Variants in MAMDC2 observed in about 807,000 individuals in gnomAD.
MAMDC2 encodes the protein MAM domain-containing protein 2.
MAMDC2 carries 57 observed loss-of-function variants against 89.8 expected under a neutral mutation model. The observed-to-expected ratio is 0.63, with a 90% CI of 0.51 to 0.79. The LOEUF (loss-of-function observed/expected upper bound fraction) is 0.79, where lower values mean the gene tolerates loss of function less well. Among genes scored for constraint, MAMDC2 ranks in the 30% least tolerant of loss-of-function variants. The pLI is 0.00. For missense variants in MAMDC2, 800 were observed against 820.6 expected (o/e 0.97, Z 0.31); for synonymous variants, 313 against 293.4 (o/e 1.07, Z -0.68).
At chr9:70,079,210 C>A (rs1322413433) in intron 2 of MAMDC2, 1 of 152,170 alleles carries the variant, frequency 6.6e-6, no homozygotes, top group Admixed American at 6.5e-5. Flanking sequence ...CAAGGGGAAG[C>A]CCTGAGATGC....
At chr9:70,214,630 G>C (rs879812416) in intron 11 of MAMDC2, among the ~76,000 whole-genome samples, 1 of 152,192 alleles carries the variant, frequency 6.6e-6, no homozygotes, top group Non-Finnish European at 1.5e-5. Context: ...GAGATTGCAG[G>C]GGACCAGAGT....
chr9:70,185,593 G>T (rs1426435943), intron 11 of MAMDC2, among the ~76,000 whole-genome samples: 1 of 152,190 alleles, frequency 6.6e-6, no homozygotes, highest in African/African-American at 2.4e-5. Flanking sequence ...AGTGAGGAGT[G>T]ATCTAGGGAG....
At chr9:70,138,810 A>G (rs964912285) in intron 7 of MAMDC2, among the ~76,000 whole-genome samples, 18 of 152,182 alleles carry the variant, frequency 1.2e-4, no homozygotes, top group African/African-American at 3.9e-4. Context: ...AGCAGTACCC[A>G]TGACAGAACT....
intron 2 of MAMDC2, among the ~76,000 whole-genome samples, chr9:70,099,550 A>G (rs1828109131): frequency 6.6e-6 from 1 of 152,116 alleles, no homozygotes; most frequent in Non-Finnish European, 1.5e-5. Context: ...TTGATTATCT[A>G]GTAGATCCCA....
At chr9:70,088,926 T>C (rs922570824) in intron 2 of MAMDC2, 3 of 152,088 alleles carry the variant, frequency 2.0e-5, no homozygotes, top group Non-Finnish European at 2.9e-5. Flanking sequence ...TCTGAGACCA[T>C]GCTTTACTGA....
intron 5 of MAMDC2, 98 bp downstream of exon 5, chr9:70,113,230 G>A: frequency 7.2e-7 from 1 of 1,392,588 alleles, no homozygotes; most frequent in South Asian, 1.3e-5. Flanking sequence ...CTGTCAACAG[G>A]GAAGAGAGGA....
chr9:70,132,512 C>T (rs1005110840), intron 7 of MAMDC2, among the ~76,000 whole-genome samples: 1 of 145,212 alleles, frequency 6.9e-6, no homozygotes, highest in African/African-American at 2.6e-5. Flanking sequence ...ATACATTCTG[C>T]AAATCGGGGG....
In MAMDC2 at chr9:70,108,367, T is replaced by G. The variant is rs1318374844; in HGVS notation, c.305T>G (p.Leu102Arg). ...CTGTCAGATCCCAGCCAGCTGAACC[T>G]CTACATGAGATTTGAAGATGAAAGC... is the stretch of plus-strand genomic sequence containing the variant. ...ESLSDPSQLN[L>R]YMRFEDESFD... is the part of the protein sequence containing the mutation. The change falls in exon 3 of 14, where the codon CTC becomes CGC. Residue 102 changes from leucine to arginine, a missense_variant. Coordinates refer to ENST00000377182, the MANE Select transcript of MAMDC2 (RefSeq NM_153267.5). 2.5e-6 allele frequency: 4 copies of G among 1,614,120 alleles called. No homozygotes were observed. The highest frequency in any genetic ancestry group is 3.4e-6 in the Non-Finnish European group (4 of 1,179,980).
At chr9:70,123,111 A>C (rs890251732) in intron 5 of MAMDC2, among the ~76,000 whole-genome samples, 11 of 152,200 alleles carry the variant, frequency 7.2e-5, no homozygotes, top group African/African-American at 2.7e-4. Flanking sequence ...AGTATTACAC[A>C]TACATTATAA....
chr9:70,132,298 A>G (rs2030840419), intron 7 of MAMDC2, among the ~76,000 whole-genome samples: 2 of 152,216 alleles, frequency 1.3e-5, no homozygotes, highest in Non-Finnish European at 1.5e-5. Flanking sequence ...ATAATAATAT[A>G]GTAATGATAA....
intron 9 of MAMDC2, among the ~76,000 whole-genome samples, chr9:70,163,212 A>AGGGCTTTT (rs57669441): frequency 2.7e-5 from 4 of 148,594 alleles, no homozygotes; most frequent in Non-Finnish European, 4.4e-5. Context: ...CCAGGGCTTC[A>AGGGCTTTT]GGATATTTCT....
chr9:70,118,297 AACACACACACACAC>A lies in MAMDC2; in HGVS notation c.643+5203_643+5216del, dbSNP rs6151026. ...CATTCATTAGCCAACATCCCCACTC[AACACACACACACAC>A]ACACACACACACACACACACACACA... On this transcript the variant is annotated intron_variant, in intron 5 of 13. Transcript: ENST00000377182. Among the ~76,000 whole-genome samples the A allele has an allele frequency of 1.3e-4, 18 of 140,552 alleles. No individual in the cohort carries two copies. The Middle Eastern group carries it at 0.011, about 84-fold the overall frequency. The allele number at this position is 140,552 out of a possible 152,430, so 92.2% of individuals were successfully genotyped here.
At chr9:70,070,632 A>T (rs1827380752) in intron 2 of MAMDC2, among the ~76,000 whole-genome samples, 1 of 152,222 alleles carries the variant, frequency 6.6e-6, no homozygotes, top group African/African-American at 2.4e-5. Context: ...AGAAGATCTT[A>T]TAACAATATA....
chr9:70,226,038 G>A lies in MAMDC2; in HGVS notation c.*6G>A. The A allele has an allele frequency of 6.6e-7, 1 of 1,525,356 alleles. No homozygotes were observed. The highest frequency in any genetic ancestry group is 9.0e-7 in the Non-Finnish European group (1 of 1,116,320). The allele number at this position is 1,525,356 out of a possible 1,614,324, so 94.5% of individuals were successfully genotyped here. The stretch of plus-strand genomic sequence containing the variant: ...TAAATGAAATTGAGTATTAAGAAAT[G>A]ATCTGCATTGGATTTACTAGACGAA... On this transcript the variant is annotated 3_prime_UTR_variant, in exon 14 of 14. Coordinates refer to ENST00000377182, the MANE Select transcript of MAMDC2 (RefSeq NM_153267.5).
At chr9:70,160,337 G>A (rs545391133) in intron 9 of MAMDC2, among the ~76,000 whole-genome samples, 1 of 152,184 alleles carries the variant, frequency 6.6e-6, no homozygotes, top group African/African-American at 2.4e-5. Flanking sequence ...GCTTTATGGG[G>A]TAATTAAATA....
At chr9:70,208,424 GCT>G (rs1056946361) in intron 11 of MAMDC2, among the ~76,000 whole-genome samples, 1 of 152,052 alleles carries the variant, frequency 6.6e-6, no homozygotes, top group Non-Finnish European at 1.5e-5. Flanking sequence ...TCATGATTTG[GCT>G]CTCTGTTTGT....
At chr9:70,054,579 ATT>A (rs893754532) in intron 2 of MAMDC2, among the ~76,000 whole-genome samples, 1 of 147,952 alleles carries the variant, frequency 6.8e-6, no homozygotes. Context: ...TGAAAGTTTT[ATT>A]TTTTTTTTCG....
intron 8 of MAMDC2, 145 bp downstream of exon 8, chr9:70,140,433 A>G (rs907551983): frequency 1.2e-6 from 1 of 842,208 alleles, no homozygotes; most frequent in Non-Finnish European, 1.8e-6. Context: ...CTTGTGTTTG[A>G]CCATTTTTAA....
At position 70,170,514 on chromosome 9, in the gene MAMDC2, G is replaced by C. The variant is rs751619057; in HGVS notation, c.1534G>C (p.Glu512Gln). Residue 512 changes from glutamate (E) to glutamine (Q), a missense_variant, in exon 11 of 14, where the codon GAG becomes CAG. Coordinates refer to ENST00000377182, the MANE Select transcript of MAMDC2 (RefSeq NM_153267.5). ...ACCTCCACCTGGAGAGTGTACTTTC[G>C]AGCAAGATGAATGTACATTTACTCA... ...LPPPPGECTF[E>Q]QDECTFTQEK... The C allele has an allele frequency of 5.6e-6, 9 of 1,612,124 alleles. No homozygotes were observed. Among genetic ancestry groups the C allele is most frequent in the Non-Finnish European group, 7.6e-6 (9 of 1,179,584 alleles).
Sources: allele counts gnomAD v4.1 joint callset (sites outside exome capture counted in the v4.1 genomes callset), GRCh38; gene constraint gnomAD v4.1.1; transcripts MANE v1.5; gene names NCBI Gene and HGNC (gene_info 2026-07-23, HGNC 2026-07-21).